SIPA1L1: variants seen among roughly 807,000 people sequenced by gnomAD.
SIPA1L1 encodes signal-induced proliferation-associated 1-like protein 1.
Under a neutral mutation model 162.7 loss-of-function variants are expected in SIPA1L1, and 26 were observed. The observed-to-expected ratio is 0.16, with a 90% confidence interval of 0.12 to 0.22. The LOEUF is 0.22. Among genes scored for constraint, SIPA1L1 ranks in the 10% least tolerant of loss-of-function variants. The pLI, the probability that SIPA1L1 is intolerant of heterozygous loss-of-function variation, is 1.00. For synonymous variants in SIPA1L1, 829 were observed against 837.4 expected, an observed-to-expected ratio of 0.99 and a Z score of 0.17; for missense variants, 1,874 against 2,241.0, an observed-to-expected ratio of 0.84 and a Z score of 3.31.
chr14:71,502,198 T>G (rs2050276865), intron 2 of SIPA1L1, among the ~76,000 whole-genome samples: 1 of 145,962 alleles, frequency 6.9e-6, no homozygotes, highest in African/African-American at 2.5e-5. Flanking sequence ...ATGCTTTTAT[T>G]TGGCTATTTT....
intron 4 of SIPA1L1, among the ~76,000 whole-genome samples, chr14:71,548,588 G>T (rs2055467001): frequency 6.6e-6 from 1 of 152,062 alleles, no homozygotes; most frequent in Admixed American, 6.6e-5. Context: ...GAAAGTAAAT[G>T]TGGTATTTAG....
At chr14:71,695,197 A>G (rs1267688613) in intron 13 of SIPA1L1, among the ~76,000 whole-genome samples, 1 of 152,200 alleles carries the variant, frequency 6.6e-6, no homozygotes, top group Non-Finnish European at 1.5e-5. Context: ...AATAAGGGCT[A>G]ATTCTGAATT....
chr14:71,575,581 T>C (rs2032896886), intron 4 of SIPA1L1, among the ~76,000 whole-genome samples: 1 of 152,206 alleles, frequency 6.6e-6, no homozygotes, highest in African/African-American at 2.4e-5. Flanking sequence ...GTTTTAAATT[T>C]CTGGTTTTAG....
At chr14:71,678,423 G>C (rs1030644646) in intron 12 of SIPA1L1, among the ~76,000 whole-genome samples, 1 of 152,138 alleles carries the variant, frequency 6.6e-6, no homozygotes, top group Non-Finnish European at 1.5e-5. Context: ...CTTTCATTCT[G>C]TTTATATGCT....
At chr14:71,435,791 A>T (rs2044334383) in intron 2 of SIPA1L1, among the ~76,000 whole-genome samples, 1 of 152,236 alleles carries the variant, frequency 6.6e-6, no homozygotes, top group Non-Finnish European at 1.5e-5. Flanking sequence ...CAGTCCCACC[A>T]ACAGTGAGAA....
chr14:71,509,953 A>G lies in SIPA1L1; in HGVS notation c.-464-2790A>G, dbSNP rs1485803889. ...GAATCTCCTGGGTTTTTTTGGAAAC[A>G]CTGGCCTGTTTGGGATTTATCTGTT... On this transcript the variant is annotated intron_variant, in intron 2 of 23. Transcript: ENST00000381232. Among the ~76,000 whole-genome samples, 5 of 151,978 alleles carry G rather than the reference A, an allele frequency of 3.3e-5. No homozygotes were observed. The South Asian group carries it at 6.2e-4, about 19-fold the overall frequency.
chr14:71,663,501 A>G (rs1280095870), intron 10 of SIPA1L1, among the ~76,000 whole-genome samples: 1 of 152,198 alleles, frequency 6.6e-6, no homozygotes, highest in African/African-American at 2.4e-5. Flanking sequence ...ATTAATTAAA[A>G]TTTAATATAA....
intron 5 of SIPA1L1, among the ~76,000 whole-genome samples, chr14:71,599,023 C>G (rs2036392035): frequency 6.6e-6 from 1 of 152,050 alleles, no homozygotes; most frequent in Non-Finnish European, 1.5e-5. Context: ...GAAATCAAGT[C>G]TTTTAGCTCC....
intron 3 of SIPA1L1, among the ~76,000 whole-genome samples, chr14:71,525,772 T>A (rs1003442084): frequency 6.6e-6 from 1 of 152,224 alleles, no homozygotes; most frequent in African/African-American, 2.4e-5. Flanking sequence ...TTATTTTTAA[T>A]GTCCAAAAGG....
intron 4 of SIPA1L1, among the ~76,000 whole-genome samples, chr14:71,556,043 G>GCT (rs1391822726): frequency 1.3e-5 from 2 of 152,176 alleles, no homozygotes; most frequent in African/African-American, 2.4e-5. Flanking sequence ...GTGAGCACAT[G>GCT]CTGTTGGAAA....
chr14:71,360,831 T>G (rs1307706045), intron 2 of SIPA1L1, among the ~76,000 whole-genome samples: 7 of 152,166 alleles, frequency 4.6e-5, no homozygotes, highest in Non-Finnish European at 1.0e-4. Flanking sequence ...AAAATTACAT[T>G]AGAGGAAATT....
chr14:71,699,487 T>C lies in SIPA1L1; in HGVS notation c.3521+360T>C, dbSNP rs113964350. On this transcript the variant is annotated intron_variant, in intron 14 of 23. Transcript: ENST00000381232. The stretch of plus-strand genomic sequence containing the variant: ...TTTTAGGATGGGAATGAGAGGCAGT[T>C]AAGAAGCAAAACTGTTTAAAAGACA... Among the ~76,000 whole-genome samples, 150 of 152,322 alleles carry C rather than the reference T, an allele frequency of 9.8e-4. 1 individual carries two copies. The highest frequency in any genetic ancestry group is 3.5e-3 in the African/African-American group (147 of 41,578).
Position 71,339,790 on chromosome 14 carries a change from A to T in SIPA1L1, c.-465+18609A>T, listed in dbSNP as rs1253635634. ...TGGTAATTAATGTCAGCTATCATTT[A>T]TTGAGTAACCACTGTGTCAGGCACT... On this transcript the variant is annotated intron_variant, in intron 2 of 23. Coordinates refer to ENST00000381232, the MANE Select transcript of SIPA1L1 (RefSeq NM_001386936.1). Among the ~76,000 whole-genome samples, 4 of 152,246 alleles carry T rather than the reference A, an allele frequency of 2.6e-5. No individual in the cohort carries two copies. The East Asian group carries it at 7.7e-4, about 29-fold the overall frequency.
At chr14:71,446,565 C>T (rs1046689095) in intron 2 of SIPA1L1, among the ~76,000 whole-genome samples, 21 of 152,070 alleles carry the variant, frequency 1.4e-4, no homozygotes, top group African/African-American at 5.1e-4. Flanking sequence ...GAGACACTGT[C>T]TCTAAAAATA....
intron 2 of SIPA1L1, among the ~76,000 whole-genome samples, chr14:71,413,131 A>G (rs952080244): frequency 6.6e-6 from 1 of 152,164 alleles, no homozygotes; most frequent in Non-Finnish European, 1.5e-5. Flanking sequence ...TTTGTGTATT[A>G]CATGCCAATA....
intron 2 of SIPA1L1, among the ~76,000 whole-genome samples, chr14:71,508,743 C>T (rs1223351882): frequency 6.6e-6 from 1 of 152,050 alleles, no homozygotes; most frequent in Admixed American, 6.6e-5. Context: ...AAAACATAGT[C>T]TTTGTTTTTT....
intron 5 of SIPA1L1, among the ~76,000 whole-genome samples, chr14:71,604,731 A>G (rs1018109683): frequency 2.7e-4 from 41 of 151,408 alleles, no homozygotes; most frequent in African/African-American, 9.2e-4. Flanking sequence ...CCCATTCTCT[A>G]CTGGCTTATA....
At chr14:71,714,832 T>G (rs539870489) in intron 17 of SIPA1L1, among the ~76,000 whole-genome samples, 5 of 152,360 alleles carry the variant, frequency 3.3e-5, no homozygotes, top group African/African-American at 1.2e-4. Flanking sequence ...TCCTCTCACC[T>G]TGGCCTCCCA....
At chr14:71,553,336 G>A (rs2056047676) in intron 4 of SIPA1L1, among the ~76,000 whole-genome samples, 1 of 152,118 alleles carries the variant, frequency 6.6e-6, no homozygotes, top group Non-Finnish European at 1.5e-5. Context: ...ATATTCTGGG[G>A]GAATTTGTTC....
Sources: gnomAD v4.1 joint callset for allele counts (sites outside exome capture counted in the v4.1 genomes callset) on GRCh38, gnomAD v4.1.1 for gene constraint, MANE v1.5 for transcripts, NCBI Gene and HGNC (gene_info 2026-07-23, HGNC 2026-07-21) for gene names.